Variants in FER1L6 observed in about 807,000 individuals in gnomAD.
The protein encoded by FER1L6 is fer-1 like family member 6.
In FER1L6, 177 loss-of-function variants were observed where a neutral mutation model predicts 219.2. The observed-to-expected ratio is 0.81, with a 90% CI of 0.71 to 0.91. The LOEUF (loss-of-function observed/expected upper bound fraction) is 0.91, where lower values mean the gene tolerates loss of function less well. FER1L6 is among the 40% of genes least tolerant of loss of function. FER1L6 has a pLI of 0.00. For missense variants in FER1L6, 2,153 were observed against 2,259.9 expected (o/e 0.95, Z 0.96); for synonymous variants, 768 against 824.3 (o/e 0.93, Z 1.17).
In FER1L6 at chr8:124,070,400, C is replaced by T. The variant is rs1821018318; in HGVS notation, c.3835-67C>T. 9.6e-6 allele frequency: 15 copies of T among 1,565,190 alleles called. 1 individual carries two copies. The South Asian group carries it at 1.3e-4, about 13-fold the overall frequency. On this transcript the variant is annotated intron_variant, in intron 29 of 40. Transcript: ENST00000522917. Reference sequence around the variant, plus strand: ...CAAGGCTGGTTTTGGAGAATCTTGGCATTTCTCATTAAATCAATCCTGGGC... The same window carrying T: ...CAAGGCTGGTTTTGGAGAATCTTGGTATTTCTCATTAAATCAATCCTGGGC...
At chr8:123,869,181 G>C (rs1248638334) in intron 1 of FER1L6, among the ~76,000 whole-genome samples, 1 of 152,212 alleles carries the variant, frequency 6.6e-6, no homozygotes, top group Non-Finnish European at 1.5e-5. Flanking sequence ...CTTTGCAAGA[G>C]TTAATATTTT....
intron 14 of FER1L6, among the ~76,000 whole-genome samples, chr8:124,012,843 G>A (rs778424867): frequency 6.6e-6 from 1 of 152,164 alleles, no homozygotes. Context: ...CTTCCCCTTA[G>A]GTGCCATTTT....
At chr8:123,935,532 A>G (rs773592795) in intron 1 of FER1L6, among the ~76,000 whole-genome samples, 3 of 152,218 alleles carry the variant, frequency 2.0e-5, no homozygotes, top group Non-Finnish European at 4.4e-5. Flanking sequence ...CAGGTTTTTG[A>G]CTAGCCTTAT....
At chr8:124,097,556 G>A (rs752445922) in intron 36 of FER1L6, among the ~76,000 whole-genome samples, 197 bp downstream of exon 36, 1 of 152,228 alleles carries the variant, frequency 6.6e-6, no homozygotes, top group South Asian at 2.1e-4. Flanking sequence ...TCTGAAAAAT[G>A]CTGGTTAAGA....
chr8:123,980,699 C>G lies in FER1L6; in HGVS notation c.1298C>G (p.Ser433Cys). The change falls in exon 11 of 41, where the codon TCT becomes TGT. Residue 433 changes from serine to cysteine, a missense_variant. Physicochemically the swap from Ser to Cys is moderately radical, Grantham distance 112. Transcript: ENST00000522917. ...CCTTCCAAGGACAAAGACTCCAAATCTTCCAAAGGTAAAGACAAGGCTGAC... is the reference window on the plus strand; with the variant it reads ...CCTTCCAAGGACAAAGACTCCAAATGTTCCAAAGGTAAAGACAAGGCTGAC... Reference protein sequence around the residue: ...KLPSKDKDSKSSKGKDKADKT... With the variant: ...KLPSKDKDSKCSKGKDKADKT... 6.2e-7 allele frequency: 1 copy of G among 1,614,142 alleles called. No homozygotes were observed. Among genetic ancestry groups the G allele is most frequent in the Non-Finnish European group, 8.5e-7 (1 of 1,180,008 alleles).
At chr8:124,112,724 T>C (rs953266874) in intron 39 of FER1L6, among the ~76,000 whole-genome samples, 1 of 152,240 alleles carries the variant, frequency 6.6e-6, no homozygotes, top group African/African-American at 2.4e-5. Flanking sequence ...TTATATGTTA[T>C]GTTCTAAAGT....
At chr8:124,106,316 G>A (rs1822768883) in intron 39 of FER1L6, among the ~76,000 whole-genome samples, 1 of 96,254 alleles carries the variant, frequency 1.0e-5, no homozygotes, top group Non-Finnish European at 1.8e-5. Flanking sequence ...GCGACAGAGT[G>A]AGACTCTGTC....
intron 1 of FER1L6, among the ~76,000 whole-genome samples, chr8:123,936,891 G>C (rs977329486): frequency 6.6e-6 from 1 of 152,076 alleles, no homozygotes; most frequent in Non-Finnish European, 1.5e-5. Flanking sequence ...CTCATACAAG[G>C]GTCTTAACTG....
intron 1 of FER1L6, 74 bp from the exon 2 acceptor site, chr8:123,955,918 T>C: frequency 7.1e-7 from 1 of 1,405,890 alleles, no homozygotes; most frequent in South Asian, 1.2e-5. Flanking sequence ...TCGGTGTGTT[T>C]TTGTGTTTAC....
intron 32 of FER1L6, among the ~76,000 whole-genome samples, chr8:124,079,971 C>T (rs1821466207): frequency 6.6e-6 from 1 of 152,176 alleles, no homozygotes; most frequent in Admixed American, 6.5e-5. Flanking sequence ...GAGCTCCTGC[C>T]ACCTGATTTA....
At chr8:124,044,922 G>C (rs527326012) in intron 20 of FER1L6, among the ~76,000 whole-genome samples, 1 of 152,310 alleles carries the variant, frequency 6.6e-6, no homozygotes, top group East Asian at 1.9e-4. Flanking sequence ...GATGCTCATG[G>C]TCTGAGGGCA....
At position 123,907,985 on chromosome 8, in the gene FER1L6, T is replaced by C. The variant is rs192297108; in HGVS notation, c.-7-48007T>C. On this transcript the variant is annotated intron_variant, in intron 1 of 40. Transcript: ENST00000522917. ...AAACAGTATCTAAGTGATGTATTTGTTTCTACTTTAGTCTGTGAACCTCCC... is the reference window on the plus strand; with the variant it reads ...AAACAGTATCTAAGTGATGTATTTGCTTCTACTTTAGTCTGTGAACCTCCC... Among the ~76,000 whole-genome samples the C allele has an allele frequency of 3.9e-5, 6 of 152,186 alleles. No individual in the cohort carries two copies. In the East Asian group the frequency reaches 9.8e-4, roughly 25 times the overall value.
intron 1 of FER1L6, among the ~76,000 whole-genome samples, chr8:123,859,821 C>T (rs112484707): frequency 0.27 from 37,931 of 139,108 alleles, 5,637 homozygotes; most frequent in Middle Eastern, 0.38. Context: ...TTTGTTCTTG[C>T]GATAGTTTAC....
chr8:123,917,650 G>T (rs1276646226), intron 1 of FER1L6, among the ~76,000 whole-genome samples: 1 of 152,196 alleles, frequency 6.6e-6, no homozygotes, highest in Non-Finnish European at 1.5e-5. Context: ...ACAGGAAAAG[G>T]TGTAAAGACA....
Position 124,062,004 on chromosome 8 carries a change from A to G in FER1L6, c.3300A>G (p.Thr1100=). 1 of 1,614,086 alleles carries G rather than the reference A, an allele frequency of 6.2e-7. No individual in the cohort carries two copies. Among genetic ancestry groups the G allele is most frequent in the Non-Finnish European group, 8.5e-7 (1 of 1,179,966 alleles). ...CKLREPLAPI[T]QVDGTQPGHD... ...TCAGAGAGCCCCTTGCCCCCATCAC[A>G]CAGGTGGATGGAACCCAGCCTGGGC... Residue 1100 remains threonine (T), a synonymous_variant, in exon 25 of 41, where the codon ACA becomes ACG. Coordinates refer to ENST00000522917, the MANE Select transcript of FER1L6 (RefSeq NM_001039112.2).
chr8:123,877,791 T>C (rs1007289441), intron 1 of FER1L6, among the ~76,000 whole-genome samples: 1 of 151,802 alleles, frequency 6.6e-6, no homozygotes, highest in African/African-American at 2.4e-5. Flanking sequence ...AATGAAATTA[T>C]TATCTCCAGT....
At chr8:124,027,462 C>T (rs1248806180) in intron 18 of FER1L6, among the ~76,000 whole-genome samples, 2 of 152,210 alleles carry the variant, frequency 1.3e-5, no homozygotes, top group Non-Finnish European at 2.9e-5. Flanking sequence ...ATTTGAACAA[C>T]TAGACATCCA....
intron 39 of FER1L6, among the ~76,000 whole-genome samples, chr8:124,106,928 G>A (rs899680731): frequency 1.4e-5 from 2 of 146,690 alleles, no homozygotes; most frequent in Non-Finnish European, 1.5e-5. Flanking sequence ...CCTAGTATAA[G>A]AGATTATAAG....
At chr8:124,067,844 G>A in intron 28 of FER1L6, 38 bp downstream of exon 28, 1 of 1,559,556 alleles carries the variant, frequency 6.4e-7, no homozygotes, top group East Asian at 2.2e-5. Flanking sequence ...CCATAGAATA[G>A]GGCCATCGTT....
Sources: gnomAD v4.1 joint callset for allele counts (sites outside exome capture counted in the v4.1 genomes callset) on GRCh38, gnomAD v4.1.1 for gene constraint, MANE v1.5 for transcripts, NCBI Gene and HGNC (gene_info 2026-07-23, HGNC 2026-07-21) for gene names.